The following FGF2 variants were observed in gnomAD, a reference collection of about 807,000 sequenced individuals.
The protein encoded by FGF2 is fibroblast growth factor 2.
In FGF2, 13 loss-of-function variants were observed where a neutral mutation model predicts 15.9. The observed-to-expected ratio is 0.82, with a 90% CI of 0.53 to 1.30. FGF2 has a LOEUF of 1.30. Ranked by LOEUF, FGF2 falls within the 50% of genes most tolerant of loss-of-function variation. The probability of loss-of-function intolerance (pLI) is 0.00; values close to 1 mark genes in which losing one functional copy is unlikely to be tolerated. For missense variants in FGF2, 163 were observed against 196.9 expected (o/e 0.83, Z 1.03); for synonymous variants, 90 against 78.4 (o/e 1.15, Z -0.78).
Position 122,827,500 on chromosome 4 carries a change from G to C in FGF2, c.178+148G>C, listed in dbSNP as rs1725668480. 2 of 908,748 alleles carry C rather than the reference G, an allele frequency of 2.2e-6. No homozygotes were observed. The highest frequency in any genetic ancestry group is 2.7e-5 in the East Asian group (1 of 37,632). 56.3% of individuals were successfully genotyped at this position (908,748 alleles called of 1,614,324 possible). A position where few individuals can be genotyped will look rare whatever the true frequency, so the allele number is the denominator to read the frequency against. ...TGGCCGCGCGGCCCTCGGCGGTTTC[G>C]GGTTCACCACTCACCCCCTCCTTTC... On this transcript the variant is annotated intron_variant, in intron 1 of 2. Coordinates refer to ENST00000644866, the MANE Select transcript of FGF2 (RefSeq NM_001361665.2). The surrounding 1 kb of genome is among the most constrained non-coding windows in gnomAD (Gnocchi z 4.2).
intron 1 of FGF2, among the ~76,000 whole-genome samples, chr4:122,846,656 A>G (rs1034090011): frequency 1.2e-4 from 18 of 152,350 alleles, no homozygotes; most frequent in African/African-American, 3.6e-4. Context: ...CTTTAGAGAA[A>G]GGAATGGGAT....
chr4:122,854,963 C>A (rs979202254), intron 1 of FGF2, among the ~76,000 whole-genome samples: 1 of 152,108 alleles, frequency 6.6e-6, no homozygotes, highest in African/African-American at 2.4e-5. Flanking sequence ...CCCCTACTTG[C>A]CTTTCCCCCA....
chr4:122,879,244 C>G (rs977956148), intron 2 of FGF2, among the ~76,000 whole-genome samples: 3 of 152,148 alleles, frequency 2.0e-5, no homozygotes, highest in African/African-American at 4.8e-5. Context: ...TTAAATATCT[C>G]CCATGAAAGT....
chr4:122,854,209 A>G (rs1726291764), intron 1 of FGF2, among the ~76,000 whole-genome samples: 1 of 152,266 alleles, frequency 6.6e-6, no homozygotes, highest in African/African-American at 2.4e-5. Context: ...ATTTTAAAGT[A>G]GTAAACATAG....
rs147235948 is a variant in FGF2 at position 122,878,969 on chromosome 4, G to A, written c.282+2545G>A. ...GTTGCCTAAGGGAAATTCAGGTAAA[G>A]ATGTTCAGTGAGTAGTTGAAATTAT... On this transcript the variant is annotated intron_variant, in intron 2 of 2. Transcript: ENST00000644866. 2.0e-5 allele frequency among the ~76,000 whole-genome samples: 3 copies of A among 152,344 alleles called. No homozygotes were observed. In the East Asian group the frequency reaches 5.8e-4, roughly 29 times the overall value.
chr4:122,889,165 T>C (rs1727118509), intron 2 of FGF2, among the ~76,000 whole-genome samples: 1 of 152,222 alleles, frequency 6.6e-6, no homozygotes, highest in South Asian at 2.1e-4. Flanking sequence ...TCCTCATTTG[T>C]TAATGAGTAT....
chr4:122,850,728 C>T (rs937261132), intron 1 of FGF2, among the ~76,000 whole-genome samples: 1 of 152,242 alleles, frequency 6.6e-6, no homozygotes, highest in South Asian at 2.1e-4. Flanking sequence ...TCTTAGCGCT[C>T]TCTTCAGAGA....
In FGF2 at chr4:122,861,273, T is replaced by A. The variant is rs550290675; in HGVS notation, c.179-15048T>A. 9.8e-5 allele frequency among the ~76,000 whole-genome samples: 15 copies of A among 152,334 alleles called. No homozygotes were observed. The East Asian group carries it at 2.9e-3, about 29-fold the overall frequency. ...TCTTTATTTCTAATAGATTCCTTTT[T>A]TGAACTCTGGATTCATATAGCTGAC... is the stretch of plus-strand genomic sequence containing the variant. On this transcript the variant is annotated intron_variant, in intron 1 of 2. Coordinates refer to ENST00000644866, the MANE Select transcript of FGF2 (RefSeq NM_001361665.2).
intron 1 of FGF2, among the ~76,000 whole-genome samples, chr4:122,841,510 A>G (rs1474733417): frequency 2.6e-5 from 4 of 152,238 alleles, no homozygotes; most frequent in African/African-American, 9.6e-5. Flanking sequence ...TGTTATTTCC[A>G]GGCTGATCTC....
rs1727247555 is a variant in FGF2 at position 122,893,305 on chromosome 4, AG to A, written c.*910del. 7.3e-7 allele frequency: 1 copy of A among 1,378,814 alleles called. No homozygotes were observed. Among genetic ancestry groups the A allele is most frequent in the Admixed American group, 2.4e-5 (1 of 41,678 alleles). 85.4% of individuals were successfully genotyped at this position (1,378,814 alleles called of 1,614,324 possible). On this transcript the variant is annotated 3_prime_UTR_variant, in exon 3 of 3. Transcript: ENST00000644866. ...ATCATCAAAGATTTTCAGTTAAAGT[AG>A]CATTATGTAAAGGCTCAAAACATTA...
chr4:122,844,925 C>T (rs1394404658), intron 1 of FGF2, among the ~76,000 whole-genome samples: 1 of 152,054 alleles, frequency 6.6e-6, no homozygotes, highest in Admixed American at 6.5e-5. Context: ...GCATAAGTTA[C>T]CATGCCCAGC....
At chr4:122,877,804 C>CCTTT (rs1335231771) in intron 2 of FGF2, among the ~76,000 whole-genome samples, 1 of 152,128 alleles carries the variant, frequency 6.6e-6, no homozygotes, top group African/African-American at 2.4e-5. Flanking sequence ...TGAATGAAGA[C>CCTTT]CTTTGGATTT....
At position 122,894,487 on chromosome 4, in the gene FGF2, G is replaced by A. The variant is rs1242338070; in HGVS notation, c.*2091G>A. 1 of 152,194 alleles carries A rather than the reference G, an allele frequency of 6.6e-6. No homozygotes were observed. The highest frequency in any genetic ancestry group is 6.5e-5 in the Admixed American group (1 of 15,270). 9.4% of individuals were successfully genotyped at this position (152,194 alleles called of 1,614,324 possible). A position where few individuals can be genotyped will look rare whatever the true frequency, so the allele number is the denominator to read the frequency against. On this transcript the variant is annotated 3_prime_UTR_variant, in exon 3 of 3. Coordinates refer to ENST00000644866, the MANE Select transcript of FGF2 (RefSeq NM_001361665.2). ...GGTCTCAGATACTTGGGAGGCTGAG[G>A]TGGGAGGGTTGATCACTTGAGGCTG... is the stretch of plus-strand genomic sequence containing the variant.
chr4:122,846,284 G>C (rs1041419361), intron 1 of FGF2, among the ~76,000 whole-genome samples: 1 of 152,162 alleles, frequency 6.6e-6, no homozygotes, highest in African/African-American at 2.4e-5. Context: ...GAAAAAGTTT[G>C]AAATATTGCG....
chr4:122,826,989 G>A lies in FGF2; in HGVS notation c.-186G>A. On this transcript the variant is annotated 5_prime_UTR_variant, in exon 1 of 3. Transcript: ENST00000644866. ...GCGCACCAGGGGCCGGCGGACAGAA[G>A]AGCGGCCGAGCGGCTCGAGGCTGGG... is the stretch of plus-strand genomic sequence containing the variant. 2 of 1,267,690 alleles carry A rather than the reference G, an allele frequency of 1.6e-6. No individual in the cohort carries two copies. Among genetic ancestry groups the A allele is most frequent in the Non-Finnish European group, 2.0e-6 (2 of 1,006,576 alleles). 78.5% of individuals were successfully genotyped at this position (1,267,690 alleles called of 1,614,324 possible). A position where few individuals can be genotyped will look rare whatever the true frequency, so the allele number is the denominator to read the frequency against.
chr4:122,851,523 T>A (rs1286301460), intron 1 of FGF2, among the ~76,000 whole-genome samples: 1 of 152,196 alleles, frequency 6.6e-6, no homozygotes, highest in East Asian at 1.9e-4. Context: ...AATAGGCATG[T>A]GAAGCTAAAT....
chr4:122,871,781 CAAAA>C (rs55677162), intron 1 of FGF2, among the ~76,000 whole-genome samples: 18 of 94,312 alleles, frequency 1.9e-4, no homozygotes, highest in African/African-American at 4.2e-4. Flanking sequence ...CATTGAAAGA[CAAAA>C]AAAAAAAAAA....
chr4:122,897,887 TTTCTC>T lies in FGF2; in HGVS notation c.*5495_*5499del, dbSNP rs1442385785. On this transcript the variant is annotated 3_prime_UTR_variant, in exon 3 of 3. Coordinates refer to ENST00000644866, the MANE Select transcript of FGF2 (RefSeq NM_001361665.2). ...TAACTGATGAAATCTTTTCCCACCTTTTCTCTTCAGGAAATATAAGTGGTTTTGTT... is the reference window on the plus strand; with the variant it reads ...TAACTGATGAAATCTTTTCCCACCTTTTCAGGAAATATAAGTGGTTTTGTT... 3.6e-6 allele frequency: 2 copies of T among 551,574 alleles called. No individual in the cohort carries two copies. The highest frequency in any genetic ancestry group is 2.4e-5 in the South Asian group (1 of 41,674). The allele number at this position is 551,574 out of a possible 1,614,324, so 34.2% of individuals were successfully genotyped here.
At position 122,867,375 on chromosome 4, in the gene FGF2, T is replaced by C. The variant is rs960972601; in HGVS notation, c.179-8946T>C. Among the ~76,000 whole-genome samples, 4 of 152,336 alleles carry C rather than the reference T, an allele frequency of 2.6e-5. No homozygotes were observed. In the East Asian group the frequency reaches 7.7e-4, roughly 29 times the overall value. ...CAGTTCAGAATAAGTGCCTTCGATA[T>C]TACTTAGTATTATGGTGTCTTTGGA... On this transcript the variant is annotated intron_variant, in intron 1 of 2. Coordinates refer to ENST00000644866, the MANE Select transcript of FGF2 (RefSeq NM_001361665.2).
Sources: allele counts gnomAD v4.1 joint callset (sites outside exome capture counted in the v4.1 genomes callset), GRCh38; gene constraint gnomAD v4.1.1; non-coding constraint Gnocchi (gnomAD v3.1); transcripts MANE v1.5; gene names NCBI Gene and HGNC (gene_info 2026-07-23, HGNC 2026-07-21).